The following ZNF202 variants were observed in gnomAD, a reference collection of about 807,000 sequenced individuals.
The protein encoded by ZNF202 is zinc finger protein with KRAB and SCAN domains 10.
A neutral mutation model predicts 54.5 loss-of-function variants in ZNF202; 22 were observed. The ratio of observed to expected loss-of-function variants is 0.40; its 90% CI spans 0.29 to 0.58. The LOEUF (loss-of-function observed/expected upper bound fraction) is 0.58. Among genes scored for constraint, ZNF202 ranks in the 20% least tolerant of loss-of-function variants. ZNF202 has a pLI of 0.39. For missense variants in ZNF202, 644 were observed against 805.5 expected, an observed-to-expected ratio of 0.80 and a Z score of 2.43; for synonymous variants, 294 against 301.4, an observed-to-expected ratio of 0.98 and a Z score of 0.26.
intron 7 of ZNF202, 127 bp from the exon 8 acceptor site, chr11:123,727,722 T>C: frequency 7.7e-7 from 1 of 1,299,082 alleles, no homozygotes; most frequent in Non-Finnish European, 1.0e-6. Flanking sequence ...AAATCTTTCA[T>C]CTCTTTAGTT....
intron 5 of ZNF202, among the ~76,000 whole-genome samples, 155 bp downstream of exon 5, chr11:123,729,460 G>A (rs1318644011): frequency 6.6e-6 from 1 of 152,150 alleles, no homozygotes; most frequent in East Asian, 1.9e-4. Context: ...GACTCTAGCT[G>A]GCGGTACTGT....
rs1378786101 is a variant in ZNF202, at chr11:123,730,413, C to T, written c.402+74G>A. On this transcript the variant is annotated intron_variant, in intron 4 of 8. Transcript: ENST00000530393. The surrounding 1 kb of genome is among the most constrained non-coding windows in gnomAD (Gnocchi z 6.0). ...TAATAATTTATGGGGATCCTGCAAG[C>T]TCTCCCCGCAAATCCAGCCTTCCAG... is the stretch of plus-strand genomic sequence containing the variant. 21 of 1,475,192 alleles carry T rather than the reference C, an allele frequency of 1.4e-5. No homozygotes were observed. The highest frequency in any genetic ancestry group is 1.9e-5 in the Non-Finnish European group (21 of 1,114,280). 91.4% of individuals were successfully genotyped at this position (1,475,192 alleles called of 1,614,324 possible).
At chr11:123,737,334 T>C (rs959169161) in intron 3 of ZNF202, among the ~76,000 whole-genome samples, 6 of 152,230 alleles carry the variant, frequency 3.9e-5, no homozygotes, top group Admixed American at 3.9e-4. Context: ...ACGTGACCAG[T>C]ATGCTTCAAA....
intron 7 of ZNF202, 61 bp from the exon 8 acceptor site, chr11:123,727,656 C>T (rs1316283360): frequency 9.4e-6 from 15 of 1,596,814 alleles, no homozygotes; most frequent in South Asian, 3.3e-5. Flanking sequence ...GTGTTAAGAG[C>T]GGTCCTTTTC....
chr11:123,724,272 A>G lies in ZNF202; in HGVS notation c.*1725T>C, dbSNP rs1307545632. On this transcript the variant is annotated 3_prime_UTR_variant, in exon 9 of 9. Coordinates refer to ENST00000530393, the MANE Select transcript of ZNF202 (RefSeq NM_003455.4). ...ATCTATTTGAGTATGAACCACCCTC[A>G]GAAGTATCAGGACACTGAAGCCCTG... The G allele has an allele frequency of 6.6e-6, 1 of 152,256 alleles. No homozygotes were observed. Among genetic ancestry groups the G allele is most frequent in the African/African-American group, 2.4e-5 (1 of 41,474 alleles). 9.4% of individuals were successfully genotyped at this position (152,256 alleles called of 1,614,324 possible).
At position 123,726,302 on chromosome 11, in the gene ZNF202, C is replaced by CA. The variant is rs1861134311; in HGVS notation, c.1641dup (p.Glu548Ter). On this transcript the variant is annotated frameshift_variant, in exon 9 of 9. Transcript: ENST00000530393. LOFTEE classifies it high-confidence loss of function. The surrounding 1 kb of genome is among the most constrained non-coding windows in gnomAD (Gnocchi z 6.0). ...CGGTGCGCCAGGTACCGCCTGTGTT[C>CA]ACTGAAGTCCTCACCACACTCTCCA... is the stretch of plus-strand genomic sequence containing the variant. The CA allele has an allele frequency of 6.2e-7, 1 of 1,614,110 alleles. No individual in the cohort carries two copies. Among genetic ancestry groups the CA allele is most frequent in the South Asian group, 1.1e-5 (1 of 91,082 alleles).
rs200766746 is a variant in ZNF202 at position 123,730,772 on chromosome 11, G to C, written c.117C>G (p.Asp39Glu). 10 of 1,614,104 alleles carry C rather than the reference G, an allele frequency of 6.2e-6. No homozygotes were observed. The highest frequency in any genetic ancestry group is 1.1e-5 in the South Asian group (1 of 91,092). The change falls in exon 4 of 9, where the codon GAC becomes GAG. Residue 39 changes from aspartate to glutamate, a missense_variant. By Grantham distance (45) the Asp-to-Glu change is conservative. Around this residue, in one of 3 missense-constraint regions of ZNF202, gnomAD observed 46 missense variants for 47.4 expected, o/e 0.97. Coordinates refer to ENST00000530393, the MANE Select transcript of ZNF202 (RefSeq NM_003455.4). The surrounding 1 kb of genome is among the most constrained non-coding windows in gnomAD (Gnocchi z 6.0). ...CRPESVLQRD[D>E]PVLETSHQNF... ...TCTGGTGGGAGGTTTCCAGCACCGG[G>C]TCATCCCTCTGTAAGACAGACTCTG...
intron 3 of ZNF202, among the ~76,000 whole-genome samples, chr11:123,736,567 C>G (rs1244776325): frequency 2.0e-5 from 3 of 152,202 alleles, no homozygotes; most frequent in Non-Finnish European, 2.9e-5. Context: ...TGCTGCTGTT[C>G]TTTAAAACGA....
chr11:123,732,794 G>C (rs552540105), intron 3 of ZNF202, among the ~76,000 whole-genome samples: 18 of 151,966 alleles, frequency 1.2e-4, no homozygotes, highest in Non-Finnish European at 2.4e-4. Flanking sequence ...TCTTCCTATG[G>C]TAACAGGAAG....
intron 4 of ZNF202, 92 bp from the exon 5 acceptor site, chr11:123,729,917 A>T (rs1404626629): frequency 7.6e-6 from 10 of 1,323,860 alleles, no homozygotes; most frequent in Non-Finnish European, 1.0e-5. Context: ...TGCCTAGAGA[A>T]AACACTCCCA....
rs1376633931 is a variant in ZNF202 at position 123,724,978 on chromosome 11, C to A, written c.*1019G>T. On this transcript the variant is annotated 3_prime_UTR_variant, in exon 9 of 9. Transcript: ENST00000530393. ...AGTTGTCTTCATGTAAATAAAGTGGCCCATGGCAATCATGATTCTGTAATT... is the reference window on the plus strand; with the variant it reads ...AGTTGTCTTCATGTAAATAAAGTGGACCATGGCAATCATGATTCTGTAATT... 1.3e-5 allele frequency: 2 copies of A among 152,140 alleles called. No individual in the cohort carries two copies. Among genetic ancestry groups the A allele is most frequent in the Non-Finnish European group, 2.9e-5 (2 of 68,040 alleles). The allele number at this position is 152,140 out of a possible 1,614,324, so 9.4% of individuals were successfully genotyped here.
chr11:123,739,427 C>T (rs1192305302), intron 3 of ZNF202: 1 of 152,190 alleles, frequency 6.6e-6, no homozygotes. Flanking sequence ...AAAGCAGAAG[C>T]TCTGACCTTG....
chr11:123,728,965 A>G (rs1378526467), intron 6 of ZNF202, among the ~76,000 whole-genome samples, 161 bp downstream of exon 6: 1 of 152,180 alleles, frequency 6.6e-6, no homozygotes, highest in Non-Finnish European at 1.5e-5. Context: ...AAGGTATGAT[A>G]ATTTATCTCA....
At chr11:123,735,605 C>T (rs1861600868) in intron 3 of ZNF202, among the ~76,000 whole-genome samples, 1 of 152,122 alleles carries the variant, frequency 6.6e-6, no homozygotes, top group African/African-American at 2.4e-5. Context: ...AAGACATATG[C>T]CCCGGCCCCA....
rs1453380314 is a variant in ZNF202, at chr11:123,729,589, C to T, written c.613+26G>A. On this transcript the variant is annotated intron_variant, in intron 5 of 8. Coordinates refer to ENST00000530393, the MANE Select transcript of ZNF202 (RefSeq NM_003455.4). ...CTCCTTGCCTGCCTTCTGCCACAAT[C>T]CCCCCTTTCTGCTGATGCTTCCCAC... 7 of 1,513,092 alleles carry T rather than the reference C, an allele frequency of 4.6e-6. No individual in the cohort carries two copies. The East Asian group carries it at 1.6e-4, about 35-fold the overall frequency. 93.7% of individuals were successfully genotyped at this position (1,513,092 alleles called of 1,614,324 possible).
At position 123,725,616 on chromosome 11, in the gene ZNF202, CT is replaced by C. The variant is rs1861096092; in HGVS notation, c.*380del. On this transcript the variant is annotated 3_prime_UTR_variant, in exon 9 of 9. Transcript: ENST00000530393. ...CCCTTCCCAAACCTAAGGGGCTGTC[CT>C]TGGCCACTTTCAACTTGAAGCTGTT... 5.6e-6 allele frequency: 1 copy of C among 177,678 alleles called. No individual in the cohort carries two copies. Among genetic ancestry groups the C allele is most frequent in the Non-Finnish European group, 1.2e-5 (1 of 82,890 alleles). 11.0% of individuals were successfully genotyped at this position (177,678 alleles called of 1,614,324 possible). A position where few individuals can be genotyped will look rare whatever the true frequency, so the allele number is the denominator to read the frequency against.
At position 123,730,020 on chromosome 11, in the gene ZNF202, C is replaced by T. The variant is rs897527676; in HGVS notation, c.403-195G>A. Among the ~76,000 whole-genome samples, 2 of 152,080 alleles carry T rather than the reference C, an allele frequency of 1.3e-5. No homozygotes were observed. The highest frequency in any genetic ancestry group is 2.9e-5 in the Non-Finnish European group (2 of 67,992). ...CCTCCCCAGGACAAGGCAGGGGATG[C>T]GCAGGCCTGCACTGCTCTCTCACCA... On this transcript the variant is annotated intron_variant, in intron 4 of 8. Coordinates refer to ENST00000530393, the MANE Select transcript of ZNF202 (RefSeq NM_003455.4). The surrounding 1 kb of genome is among the most constrained non-coding windows in gnomAD (Gnocchi z 6.0).
rs1457497885 is a variant in ZNF202 at position 123,730,326 on chromosome 11, C to T, written c.402+161G>A. On this transcript the variant is annotated intron_variant, in intron 4 of 8. Transcript: ENST00000530393. This position sits in a 1 kb window ranked among gnomAD's most constrained non-coding sequence, Gnocchi z 6.0. ...CAATATCCAGAAAGTCACATTCATA[C>T]ACACACATCCCCCTAATCCATGGGG... Among the ~76,000 whole-genome samples, 1 of 152,188 alleles carries T rather than the reference C, an allele frequency of 6.6e-6. No individual in the cohort carries two copies. The highest frequency in any genetic ancestry group is 1.5e-5 in the Non-Finnish European group (1 of 68,030).
chr11:123,740,710 TAGA>T (rs1389870558), intron 1 of ZNF202, among the ~76,000 whole-genome samples, 174 bp from the exon 2 acceptor site: 4 of 152,210 alleles, frequency 2.6e-5, no homozygotes, highest in Non-Finnish European at 5.9e-5. Context: ...TCAAAGCGCC[TAGA>T]AGATGAGAAC....
Sources: allele counts gnomAD v4.1 joint callset (sites outside exome capture counted in the v4.1 genomes callset), GRCh38; gene constraint gnomAD v4.1.1; regional missense constraint gnomAD v4.1.1; non-coding constraint Gnocchi (gnomAD v3.1); transcripts MANE v1.5; gene names NCBI Gene and HGNC (gene_info 2026-07-23, HGNC 2026-07-21).